GRB10: variants seen among roughly 807,000 people sequenced by gnomAD.
The protein encoded by GRB10 is growth factor receptor bound protein 10, also known as growth factor receptor-bound protein 10.
Under a neutral mutation model 80.9 loss-of-function variants are expected in GRB10, and 20 were observed. The observed-to-expected ratio is 0.25, with a 90% CI of 0.17 to 0.36. GRB10 has a LOEUF of 0.36. GRB10 is among the 10% of genes least tolerant of loss of function. The pLI is 1.00. For missense variants in GRB10, 548 were observed against 747.7 expected (o/e 0.73, Z 3.12); for synonymous variants, 291 against 291.5 (o/e 1.00, Z 0.02).
chr7:50,606,215 G>A, intron 14 of GRB10, 122 bp downstream of exon 14: 1 of 849,794 alleles, frequency 1.2e-6, no homozygotes, highest in Non-Finnish European at 2.1e-6. Context: ...TGGCTTCCCT[G>A]AAATGCACAC....
At chr7:50,647,193 T>C (rs2057326405) in intron 7 of GRB10, among the ~76,000 whole-genome samples, 1 of 152,366 alleles carries the variant, frequency 6.6e-6, no homozygotes, top group South Asian at 2.1e-4. Context: ...GTTATATAGA[T>C]GTGGCATCTA....
chr7:50,735,748 A>G (rs2070688625), intron 3 of GRB10, among the ~76,000 whole-genome samples: 1 of 152,238 alleles, frequency 6.6e-6, no homozygotes, highest in South Asian at 2.1e-4. Flanking sequence ...TAGCTTTAGC[A>G]TTAAAGATGC....
intron 2 of GRB10, among the ~76,000 whole-genome samples, chr7:50,778,012 AC>A (rs2077881300): frequency 1.3e-5 from 2 of 152,140 alleles, no homozygotes. Flanking sequence ...GATGTAGCAA[AC>A]CACCATGGTA....
At chr7:50,652,131 A>T (rs1456960001) in intron 7 of GRB10, among the ~76,000 whole-genome samples, 5 of 152,264 alleles carry the variant, frequency 3.3e-5, no homozygotes, top group African/African-American at 1.2e-4. Context: ...TCTAGTTCCA[A>T]ATCAGGGTTC....
chr7:50,710,818 A>G, intron 4 of GRB10: 2 of 1,577,780 alleles, frequency 1.3e-6, no homozygotes, highest in Non-Finnish European at 1.7e-6. Flanking sequence ...TAACATAAAT[A>G]AAGGGCTTGC....
chr7:50,703,226 T>C (rs568840148), intron 5 of GRB10, among the ~76,000 whole-genome samples: 10 of 152,230 alleles, frequency 6.6e-5, no homozygotes, highest in Non-Finnish European at 1.0e-4. Context: ...GACCTGTGAT[T>C]TACTGTACTT....
At chr7:50,789,441 A>G (rs535816710) in intron 1 of GRB10, among the ~76,000 whole-genome samples, 1 of 152,306 alleles carries the variant, frequency 6.6e-6, no homozygotes, top group Admixed American at 6.5e-5. Context: ...TATGGCTTCC[A>G]TTTTAACGGA....
At chr7:50,725,129 C>A (rs920533251) in intron 4 of GRB10, among the ~76,000 whole-genome samples, 2 of 152,188 alleles carry the variant, frequency 1.3e-5, no homozygotes, top group African/African-American at 4.8e-5. Context: ...CGCCCAAAAT[C>A]TCATGTCCAT....
chr7:50,765,246 G>C (rs1453077476), intron 2 of GRB10, among the ~76,000 whole-genome samples: 1 of 152,202 alleles, frequency 6.6e-6, no homozygotes, highest in Non-Finnish European at 1.5e-5. Context: ...AGCCCCCATG[G>C]AGAACAATAT....
At chr7:50,612,900 C>A in intron 12 of GRB10, 61 bp from the exon 13 acceptor site, 1 of 1,110,318 alleles carries the variant, frequency 9.0e-7, no homozygotes, top group South Asian at 1.3e-5. Flanking sequence ...CAGCTTCTGT[C>A]AAGGCAGGGC....
chr7:50,731,120 G>A (rs1178603183), intron 4 of GRB10, among the ~76,000 whole-genome samples: 1 of 152,206 alleles, frequency 6.6e-6, no homozygotes, highest in Non-Finnish European at 1.5e-5. Flanking sequence ...GGGAGAGGCA[G>A]ATGCCTGTTC....
Position 50,616,261 on chromosome 7 carries a change from A to G in GRB10, c.933T>C (p.Tyr311=). 1.9e-6 allele frequency: 3 copies of G among 1,614,228 alleles called. No individual in the cohort carries two copies. The East Asian group carries it at 6.7e-5, about 36-fold the overall frequency. Reference sequence around the variant, plus strand: ...AAAGGCCAGATCTCCGCAAACACACATACAGCTTTTTCCATGATTTCTTTC... The same window carrying G: ...AAAGGCCAGATCTCCGCAAACACACGTACAGCTTTTTCCATGATTTCTTTC... ...ELGKKSWKKL[Y]VCLRRSGLYC... is the part of the protein sequence containing the mutation. Residue 311 remains tyrosine, a synonymous_variant, in exon 11 of 19, where the codon TAT becomes TAC. Coordinates refer to ENST00000401949, the MANE Select transcript of GRB10 (RefSeq NM_001350814.2).
chr7:50,788,734 C>T (rs1314158275), intron 1 of GRB10, among the ~76,000 whole-genome samples: 1 of 152,216 alleles, frequency 6.6e-6, no homozygotes, highest in African/African-American at 2.4e-5. Flanking sequence ...CTAGCACAGC[C>T]CTGGATAGAG....
At chr7:50,754,504 G>A (rs374712356) in intron 3 of GRB10, among the ~76,000 whole-genome samples, 121 of 152,218 alleles carry the variant, frequency 7.9e-4, no homozygotes, top group African/African-American at 2.8e-3. Flanking sequence ...CCTCACTGGC[G>A]CCAGGACCCT....
chr7:50,649,912 C>A (rs2057788737), intron 7 of GRB10, among the ~76,000 whole-genome samples: 1 of 152,116 alleles, frequency 6.6e-6, no homozygotes, highest in Non-Finnish European at 1.5e-5. Context: ...TTTCACATGG[C>A]AACTAGAGAC....
intron 3 of GRB10, among the ~76,000 whole-genome samples, chr7:50,752,778 G>T (rs779545557): frequency 2.6e-5 from 4 of 152,170 alleles, no homozygotes; most frequent in Non-Finnish European, 5.9e-5. Context: ...AGAAGCTGCT[G>T]CATGAACACT....
chr7:50,763,246 T>C (rs912129170), intron 2 of GRB10, among the ~76,000 whole-genome samples: 5 of 151,782 alleles, frequency 3.3e-5, no homozygotes, highest in Admixed American at 6.6e-5. Flanking sequence ...GGGGAGAGGA[T>C]AGAAGCAAAC....
At chr7:50,684,827 G>C (rs2061936298) in intron 5 of GRB10, among the ~76,000 whole-genome samples, 1 of 152,126 alleles carries the variant, frequency 6.6e-6, no homozygotes, top group Admixed American at 6.5e-5. Context: ...TTCCTCTCAG[G>C]CTTTTTATTT....
chr7:50,634,642 G>T (rs1262418744), intron 7 of GRB10, among the ~76,000 whole-genome samples: 1 of 152,162 alleles, frequency 6.6e-6, no homozygotes, highest in African/African-American at 2.4e-5. Flanking sequence ...GCCTACAAGA[G>T]ACCCACCTAA....
Sources: allele counts gnomAD v4.1 joint callset (sites outside exome capture counted in the v4.1 genomes callset), GRCh38; gene constraint gnomAD v4.1.1; transcripts MANE v1.5; gene names NCBI Gene and HGNC (gene_info 2026-07-23, HGNC 2026-07-21).